The following CNTNAP2 variants were observed in gnomAD, a reference collection of about 807,000 sequenced individuals.
The protein encoded by CNTNAP2 is contactin-associated protein-like 2.
CNTNAP2 carries 98 observed loss-of-function variants against 155.2 expected under a neutral mutation model. The ratio of observed to expected loss-of-function variants is 0.63; its 90% confidence interval spans 0.54 to 0.75. CNTNAP2 has a LOEUF of 0.75. Among genes scored for constraint, CNTNAP2 ranks in the 30% least tolerant of loss-of-function variants. CNTNAP2 has a pLI of 0.00. For missense variants in CNTNAP2, 1,727 were observed against 1,688.1 expected (o/e 1.02, Z -0.40); for synonymous variants, 651 against 631.2 (o/e 1.03, Z -0.47).
intron 1 of CNTNAP2, among the ~76,000 whole-genome samples, chr7:146,564,887 A>G (rs1377710436): frequency 1.3e-5 from 2 of 152,046 alleles, no homozygotes; most frequent in African/African-American, 2.4e-5. Flanking sequence ...GCAAAGTATG[A>G]TCTCTTATTA....
chr7:146,883,770 A>G (rs1250177141), intron 3 of CNTNAP2, among the ~76,000 whole-genome samples: 1 of 152,204 alleles, frequency 6.6e-6, no homozygotes, highest in Non-Finnish European at 1.5e-5. Flanking sequence ...ACACTATTTT[A>G]GTATAAAAAA....
At chr7:146,449,323 A>G (rs1796445123) in intron 1 of CNTNAP2, among the ~76,000 whole-genome samples, 3 of 151,670 alleles carry the variant, frequency 2.0e-5, no homozygotes, top group African/African-American at 7.3e-5. Context: ...TAGTGTTGGT[A>G]TTTTTCTATT....
At chr7:147,821,577 G>T (rs1798361221) in intron 13 of CNTNAP2, among the ~76,000 whole-genome samples, 1 of 152,168 alleles carries the variant, frequency 6.6e-6, no homozygotes, top group Non-Finnish European at 1.5e-5. Flanking sequence ...TGGAAGTCCT[G>T]GAGAAGGTCT....
intron 3 of CNTNAP2, among the ~76,000 whole-genome samples, chr7:147,035,720 TAC>T (rs1315536872): frequency 2.0e-5 from 3 of 152,166 alleles, no homozygotes; most frequent in African/African-American, 7.2e-5. Flanking sequence ...TACATGAAGA[TAC>T]AGAGTCTCAT....
chr7:147,750,007 TATTTA>T (rs1465348036), intron 13 of CNTNAP2, among the ~76,000 whole-genome samples: 1 of 152,268 alleles, frequency 6.6e-6, no homozygotes, highest in Non-Finnish European at 1.5e-5. Context: ...TACCCATCTC[TATTTA>T]TTTAAAATAG....
At chr7:147,702,250 C>T (rs1158545234) in intron 13 of CNTNAP2, among the ~76,000 whole-genome samples, 1 of 151,796 alleles carries the variant, frequency 6.6e-6, no homozygotes, top group Non-Finnish European at 1.5e-5. Flanking sequence ...GCAGAATTTG[C>T]AGCAGCAATT....
chr7:146,983,596 T>G (rs2129237318), intron 3 of CNTNAP2, among the ~76,000 whole-genome samples: 1 of 152,288 alleles, frequency 6.6e-6, no homozygotes, highest in South Asian at 2.1e-4. Flanking sequence ...TTGAATCTTC[T>G]TTTTCCAGGA....
At chr7:146,743,311 T>G (rs1801751740) in intron 1 of CNTNAP2, among the ~76,000 whole-genome samples, 1 of 152,174 alleles carries the variant, frequency 6.6e-6, no homozygotes, top group Non-Finnish European at 1.5e-5. Context: ...TTTGTGTCCC[T>G]TAAAGTTAAA....
At chr7:147,429,690 C>T (rs976328686) in intron 10 of CNTNAP2, among the ~76,000 whole-genome samples, 7 of 151,944 alleles carry the variant, frequency 4.6e-5, no homozygotes, top group African/African-American at 1.7e-4. Context: ...GAATTTTTAT[C>T]GTTTCACATC....
intron 15 of CNTNAP2, among the ~76,000 whole-genome samples, chr7:147,994,136 G>A (rs777331619): frequency 6.6e-6 from 1 of 152,106 alleles, no homozygotes. Context: ...TTGGGAGGCC[G>A]AGGTGGGAGG....
At chr7:147,748,924 G>A (rs1338725357) in intron 13 of CNTNAP2, among the ~76,000 whole-genome samples, 3 of 152,166 alleles carry the variant, frequency 2.0e-5, no homozygotes, top group Non-Finnish European at 4.4e-5. Flanking sequence ...TCTGCATGTA[G>A]GGATCTGAAC....
intron 13 of CNTNAP2, among the ~76,000 whole-genome samples, chr7:147,790,955 C>T (rs2116572647): frequency 6.6e-6 from 1 of 152,336 alleles, no homozygotes; most frequent in East Asian, 1.9e-4. Context: ...GTAATATTCT[C>T]ATTTTTACCA....
chr7:146,597,917 G>C (rs1798887745), intron 1 of CNTNAP2, among the ~76,000 whole-genome samples: 2 of 152,002 alleles, frequency 1.3e-5, no homozygotes, highest in African/African-American at 4.8e-5. Context: ...AGAGTCACAT[G>C]CATCTTTTGG....
chr7:147,478,085 T>A (rs2116622259), intron 10 of CNTNAP2, among the ~76,000 whole-genome samples: 1 of 152,262 alleles, frequency 6.6e-6, no homozygotes, highest in Middle Eastern at 3.4e-3. Context: ...CACATCAAAG[T>A]AGAGGAACTG....
chr7:148,300,741 G>C (rs979621646), intron 21 of CNTNAP2, among the ~76,000 whole-genome samples: 4 of 152,198 alleles, frequency 2.6e-5, no homozygotes, highest in African/African-American at 9.6e-5. Flanking sequence ...CCTTAACATT[G>C]TGTTAAGGGA....
chr7:146,631,197 G>A (rs568056899), intron 1 of CNTNAP2, among the ~76,000 whole-genome samples: 103 of 152,136 alleles, frequency 6.8e-4, no homozygotes, highest in South Asian at 3.7e-3. Context: ...GCATGGTACT[G>A]GTACCAAAAC....
intron 1 of CNTNAP2, among the ~76,000 whole-genome samples, chr7:146,617,561 A>G (rs552468927): frequency 1.7e-4 from 26 of 152,342 alleles, no homozygotes; most frequent in African/African-American, 6.3e-4. Flanking sequence ...TTAAATAAAT[A>G]TCAAAGTTAC....
chr7:147,123,911 A>G (rs1801171919), intron 6 of CNTNAP2, among the ~76,000 whole-genome samples: 6 of 152,106 alleles, frequency 3.9e-5, no homozygotes, highest in South Asian at 4.1e-4. Context: ...GCATGGTGGC[A>G]GGCATCTGTA....
intron 1 of CNTNAP2, among the ~76,000 whole-genome samples, chr7:146,244,874 G>A (rs890661533): frequency 2.0e-5 from 3 of 151,890 alleles, no homozygotes; most frequent in African/African-American, 2.4e-5. Context: ...TATCTGACTC[G>A]GGGCATGTTG....
Sources: gnomAD v4.1 joint callset for allele counts (sites outside exome capture counted in the v4.1 genomes callset) on GRCh38, gnomAD v4.1.1 for gene constraint, MANE v1.5 for transcripts, NCBI Gene and HGNC (gene_info 2026-07-23, HGNC 2026-07-21) for gene names.